DSCAML1: variants seen among roughly 807,000 people sequenced by gnomAD.
The protein encoded by DSCAML1 is DS cell adhesion molecule like 1.
DSCAML1 carries 38 observed loss-of-function variants against 200.5 expected under a neutral mutation model. The ratio of observed to expected loss-of-function variants is 0.19; its 90% CI spans 0.15 to 0.25. The LOEUF is 0.25. Among genes scored for constraint, DSCAML1 ranks in the 10% least tolerant of loss-of-function variants. The pLI is 1.00. For synonymous variants in DSCAML1, 1,215 were observed against 1,165.0 expected, an observed-to-expected ratio of 1.04 and a Z score of -0.87; for missense variants, 2,223 against 2,858.8, an observed-to-expected ratio of 0.78 and a Z score of 5.07.
chr11:117,641,102 G>A (rs1039635180), intron 3 of DSCAML1, among the ~76,000 whole-genome samples: 2 of 152,246 alleles, frequency 1.3e-5, no homozygotes, highest in African/African-American at 4.8e-5. Flanking sequence ...GGGCAAGTTT[G>A]CCTGTTTCCA....
chr11:117,624,205 C>A (rs867409606), intron 3 of DSCAML1, among the ~76,000 whole-genome samples: 1 of 152,152 alleles, frequency 6.6e-6, no homozygotes, highest in African/African-American at 2.4e-5. Context: ...TCAGCTGAAT[C>A]GGAATGACAG....
intron 3 of DSCAML1, among the ~76,000 whole-genome samples, chr11:117,687,847 G>A (rs1309057238): frequency 6.6e-6 from 1 of 152,138 alleles, no homozygotes; most frequent in Non-Finnish European, 1.5e-5. Context: ...AAGGTCCCAG[G>A]GAGCTTAGGG....
chr11:117,728,075 GTGTACTA>G (rs1431137479), intron 3 of DSCAML1, among the ~76,000 whole-genome samples: 5 of 152,170 alleles, frequency 3.3e-5, no homozygotes, highest in Non-Finnish European at 7.4e-5. Flanking sequence ...AAAAAAGATT[GTGTACTA>G]TGACCAAGTG....
At chr11:117,548,833 A>C (rs115649957) in intron 3 of DSCAML1, among the ~76,000 whole-genome samples, 1,587 of 152,288 alleles carry the variant, frequency 0.01, 25 homozygotes, top group African/African-American at 0.036. Flanking sequence ...GGTGGTTTTG[A>C]TCACACCCTC....
Position 117,498,530 on chromosome 11 carries a change from G to A in DSCAML1, c.2359+5315C>T, listed in dbSNP as rs1170933767. On this transcript the variant is annotated intron_variant, in intron 11 of 32. Transcript: ENST00000651296. The surrounding 1 kb of genome is among the most constrained non-coding windows in gnomAD (Gnocchi z 4.0). ...AAGGGGTGGGGGCCCCAGTCCCCCA[G>A]GTCTCAGGGAGGTGCTGCTTCTGTT... is the stretch of plus-strand genomic sequence containing the variant. 6.6e-6 allele frequency among the ~76,000 whole-genome samples: 1 copy of A among 152,206 alleles called. No homozygotes were observed. Among genetic ancestry groups the A allele is most frequent in the African/African-American group, 2.4e-5 (1 of 41,460 alleles).
At position 117,642,619 on chromosome 11, in the gene DSCAML1, GGGAGCCCTTCCA is replaced by G. The variant is rs1264761531; in HGVS notation, c.512-110109_512-110098del. Among the ~76,000 whole-genome samples, 1 of 152,218 alleles carries G rather than the reference GGGAGCCCTTCCA, an allele frequency of 6.6e-6. No individual in the cohort carries two copies. Among genetic ancestry groups the G allele is most frequent in the African/African-American group, 2.4e-5 (1 of 41,442 alleles). On this transcript the variant is annotated intron_variant, in intron 3 of 32. Transcript: ENST00000651296. This position sits in a 1 kb window ranked among gnomAD's most constrained non-coding sequence, Gnocchi z 4.1. Reference sequence around the variant, plus strand: ...CCTGTGGATGGACAGCAGTGCCTGAGGGAGCCCTTCCATCCCTGCCCATAGTTGCAGTGGCCC... The same window carrying G: ...CCTGTGGATGGACAGCAGTGCCTGAGTCCCTGCCCATAGTTGCAGTGGCCC...
chr11:117,572,375 C>G (rs546364237), intron 3 of DSCAML1, among the ~76,000 whole-genome samples: 2 of 152,348 alleles, frequency 1.3e-5, no homozygotes, highest in South Asian at 2.1e-4. Flanking sequence ...ACCCAGCTGG[C>G]TGGTGAGGAA....
At chr11:117,785,398 A>T (rs1205831650) in intron 1 of DSCAML1, among the ~76,000 whole-genome samples, 1 of 151,964 alleles carries the variant, frequency 6.6e-6, no homozygotes, top group African/African-American at 2.4e-5. Context: ...AAGGGGGGGC[A>T]CTCCCAGAGA....
intron 16 of DSCAML1, among the ~76,000 whole-genome samples, chr11:117,467,316 C>T (rs957160116): frequency 7.2e-5 from 11 of 151,918 alleles, no homozygotes; most frequent in East Asian, 1.9e-4. Flanking sequence ...CATTTAGATC[C>T]GCAAATAGAA....
chr11:117,585,055 C>T (rs980253329), intron 3 of DSCAML1, among the ~76,000 whole-genome samples: 18 of 152,240 alleles, frequency 1.2e-4, no homozygotes, highest in Middle Eastern at 3.4e-3. Context: ...CTGATTTTGA[C>T]GATCTCTGTC....
At chr11:117,774,390 A>G (rs2134041934) in intron 3 of DSCAML1, among the ~76,000 whole-genome samples, 1 of 152,312 alleles carries the variant, frequency 6.6e-6, no homozygotes, top group South Asian at 2.1e-4. Flanking sequence ...CTTCCACCTA[A>G]TAATCGCAAT....
intron 3 of DSCAML1, among the ~76,000 whole-genome samples, chr11:117,730,031 T>G (rs1312715395): frequency 6.6e-6 from 1 of 152,154 alleles, no homozygotes; most frequent in African/African-American, 2.4e-5. Flanking sequence ...AAACTCTATC[T>G]CTACTAAAAA....
chr11:117,649,245 T>C (rs1472226562), intron 3 of DSCAML1, among the ~76,000 whole-genome samples: 1 of 152,016 alleles, frequency 6.6e-6, no homozygotes, highest in East Asian at 1.9e-4. Flanking sequence ...ACCAGGCTAA[T>C]TTTTGTATTT....
At chr11:117,786,335 T>C (rs1006748069) in intron 1 of DSCAML1, among the ~76,000 whole-genome samples, 13 of 152,256 alleles carry the variant, frequency 8.5e-5, no homozygotes, top group Admixed American at 2.0e-4. Flanking sequence ...ACCACCCCGA[T>C]GCTGTGTTTC....
chr11:117,602,008 C>G (rs1013836096), intron 3 of DSCAML1, among the ~76,000 whole-genome samples: 9 of 152,250 alleles, frequency 5.9e-5, no homozygotes, highest in African/African-American at 2.2e-4. Flanking sequence ...ACATTCCCTG[C>G]TGCTGTAATG....
At chr11:117,654,892 T>C (rs1328214092) in intron 3 of DSCAML1, among the ~76,000 whole-genome samples, 1 of 152,188 alleles carries the variant, frequency 6.6e-6, no homozygotes, top group Non-Finnish European at 1.5e-5. Context: ...TGGGGCCACC[T>C]GCAATGGCCT....
At chr11:117,485,438 G>T (rs1411916140) in intron 11 of DSCAML1, among the ~76,000 whole-genome samples, 1 of 152,198 alleles carries the variant, frequency 6.6e-6, no homozygotes, top group East Asian at 1.9e-4. Flanking sequence ...TAGTTCAGGG[G>T]AGCCCGTTCA....
chr11:117,619,997 GAGAAAAATTAGCTAATTTA>G (rs1244429196), intron 3 of DSCAML1, among the ~76,000 whole-genome samples: 13 of 152,242 alleles, frequency 8.5e-5, no homozygotes, highest in Admixed American at 1.3e-4. Flanking sequence ...ATAAATTGGT[GAGAAAAATTAGCTAATTTA>G]AGAAAAATTA....
intron 11 of DSCAML1, among the ~76,000 whole-genome samples, chr11:117,488,789 T>C (rs2049132086): frequency 6.6e-6 from 1 of 152,242 alleles, no homozygotes; most frequent in Non-Finnish European, 1.5e-5. Context: ...CACACTTGTA[T>C]AGTTCCCTTT....
Sources: allele counts gnomAD v4.1 joint callset (sites outside exome capture counted in the v4.1 genomes callset), GRCh38; gene constraint gnomAD v4.1.1; non-coding constraint Gnocchi (gnomAD v3.1); transcripts MANE v1.5; gene names NCBI Gene and HGNC (gene_info 2026-07-23, HGNC 2026-07-21).